Variants in CNPY3 observed in about 807,000 individuals in gnomAD.
CNPY3 encodes protein canopy homolog 3.
A neutral mutation model predicts 32.0 loss-of-function variants in CNPY3; 20 were observed. That is an observed-to-expected ratio of 0.63 (90% CI 0.44 to 0.91). CNPY3 has a LOEUF of 0.91. Ranked by LOEUF, CNPY3 falls within the 40% of genes least tolerant of loss-of-function variation. The probability of loss-of-function intolerance (pLI) is 0.00; values close to 1 mark genes in which losing one functional copy is unlikely to be tolerated. For missense variants in CNPY3, 299 were observed against 340.8 expected (o/e 0.88, Z 0.97); for synonymous variants, 138 against 142.9 (o/e 0.97, Z 0.24).
chr6:42,929,981 G>A (rs1034650170), intron 1 of CNPY3, among the ~76,000 whole-genome samples: 1 of 152,068 alleles, frequency 6.6e-6, no homozygotes, highest in African/African-American at 2.4e-5. Context: ...TTCCTTTTGG[G>A]GGCCGGACGA....
chr6:42,938,595 A>G lies in CNPY3; in HGVS notation c.641A>G (p.Lys214Arg). 1 of 1,600,320 alleles carries G rather than the reference A, an allele frequency of 6.2e-7. No individual in the cohort carries two copies. The highest frequency in any genetic ancestry group is 8.5e-7 in the Non-Finnish European group (1 of 1,173,192). The change falls in exon 6 of 6, where the codon AAG (lysine) becomes AGG (arginine). Residue 214 changes from lysine to arginine, a missense_variant. By Grantham distance (26) the Lys-to-Arg change is conservative. Coordinates refer to ENST00000372836, the MANE Select transcript of CNPY3 (RefSeq NM_006586.5). ...TGCCTGGCAGAGCAGTGGTCCGGCA[A>G]GAAGGGAGACACAGCTGCCCTGGGA... is the stretch of plus-strand genomic sequence containing the variant. ...TSCLAEQWSG[K>R]KGDTAALGGK...
rs374422440 is a variant in CNPY3, at chr6:42,934,564, G to A, written c.241G>A (p.Asp81Asn). The part of the protein sequence containing the change: ...EVIGTGYGIL[D>N]QKASGVKYTK... Reference sequence around the variant, plus strand: ...GATTGGCACGGGCTATGGCATCCTGGACCAGAAGGCCTCTGGAGTCAAATA... The same window carrying A: ...GATTGGCACGGGCTATGGCATCCTGAACCAGAAGGCCTCTGGAGTCAAATA... Residue 81 changes from aspartate to asparagine, a missense_variant, in exon 2 of 6, where the codon GAC (aspartate) becomes AAC (asparagine). Asp to Asn is a conservative substitution (Grantham distance 23, BLOSUM62 1). Around this residue, in one of 2 missense-constraint regions of CNPY3, gnomAD observed 211 missense variants for 278.3 expected, o/e 0.76. Coordinates refer to ENST00000372836, the MANE Select transcript of CNPY3 (RefSeq NM_006586.5). 15 of 1,613,978 alleles carry A rather than the reference G, an allele frequency of 9.3e-6. No homozygotes were observed. Among genetic ancestry groups the A allele is most frequent in the Non-Finnish European group, 1.3e-5 (15 of 1,180,010 alleles).
At chr6:42,935,719 T>C (rs372611413) in intron 3 of CNPY3, 49 bp downstream of exon 3, 2 of 1,565,442 alleles carry the variant, frequency 1.3e-6, no homozygotes, top group Non-Finnish European at 8.8e-7. Context: ...GGCCTGCATG[T>C]ATCTTAGTGT....
At position 42,930,134 on chromosome 6, in the gene CNPY3, C is replaced by A. The variant is rs184086779; in HGVS notation, c.151+413C>A. Among the ~76,000 whole-genome samples the A allele has an allele frequency of 3.9e-5, 6 of 152,162 alleles. No individual in the cohort carries two copies. The East Asian group carries it at 1.2e-3, about 29-fold the overall frequency. Reference sequence around the variant, plus strand: ...AGAGAAGTGGAAAGAGAGGGGCCCACTCAGGAAACTACAGAGGCAGAGGCC... The same window carrying A: ...AGAGAAGTGGAAAGAGAGGGGCCCAATCAGGAAACTACAGAGGCAGAGGCC... On this transcript the variant is annotated intron_variant, in intron 1 of 5. Transcript: ENST00000372836.
intron 1 of CNPY3, among the ~76,000 whole-genome samples, chr6:42,933,933 G>A (rs1256472087): frequency 6.6e-6 from 1 of 152,174 alleles, no homozygotes; most frequent in Non-Finnish European, 1.5e-5. Context: ...CACTTTGTGA[G>A]GCCGAGGTGG....
intron 1 of CNPY3, among the ~76,000 whole-genome samples, chr6:42,931,602 C>T (rs1767824630): frequency 6.6e-6 from 1 of 151,992 alleles, no homozygotes; most frequent in Non-Finnish European, 1.5e-5. Flanking sequence ...CTCGGGTGAT[C>T]CACCCACCTT....
intron 3 of CNPY3, among the ~76,000 whole-genome samples, chr6:42,937,311 T>G (rs887590757): frequency 3.3e-5 from 5 of 151,932 alleles, no homozygotes; most frequent in Non-Finnish European, 5.9e-5. Context: ...GAAGGTCAGG[T>G]CAAGGATGAG....
chr6:42,936,374 G>A (rs961891966), intron 3 of CNPY3, among the ~76,000 whole-genome samples: 3 of 152,120 alleles, frequency 2.0e-5, no homozygotes, highest in African/African-American at 7.2e-5. Flanking sequence ...AAGTGTTTAA[G>A]AATTATTTTT....
At chr6:42,928,677 A>T (rs971649666), upstream of CNPY3, among the ~76,000 whole-genome samples, 5 of 152,212 alleles carry the variant, frequency 3.3e-5, no homozygotes, top group Non-Finnish European at 7.3e-5. Context: ...GACAATCGTT[A>T]ATCGGCTAAA....
Position 42,929,676 on chromosome 6 carries a change from G to A in CNPY3, c.106G>A (p.Gly36Arg), listed in dbSNP as rs758747229. The change falls in exon 1 of 6, where the codon GGA becomes AGA. Residue 36 changes from glycine (G) to arginine (R), a missense_variant. Physicochemically the swap from Gly to Arg is moderately radical, Grantham distance 125 (BLOSUM62 -2). Around this residue, in one of 2 missense-constraint regions of CNPY3, gnomAD observed 88 missense variants for 62.5 expected, o/e 1.41. Transcript: ENST00000372836. ...PAPELGPSQA[G>R]AEENDWVRLP... Reference sequence around the variant, plus strand: ...CCCGGAGCTGGGCCCGAGCCAGGCCGGAGCTGAGGAGAACGACTGGGTTCG... The same window carrying A: ...CCCGGAGCTGGGCCCGAGCCAGGCCAGAGCTGAGGAGAACGACTGGGTTCG... The A allele has an allele frequency of 2.6e-6, 4 of 1,552,036 alleles. No individual in the cohort carries two copies. The highest frequency in any genetic ancestry group is 3.5e-6 in the Non-Finnish European group (4 of 1,147,696).
chr6:42,938,646 G>C lies in CNPY3; in HGVS notation c.692G>C (p.Ser231Thr). The change falls in exon 6 of 6, where the codon AGC becomes ACC. Residue 231 changes from serine to threonine, a missense_variant. Ser to Thr is a moderately conservative substitution (Grantham distance 58). Around this residue, in one of 2 missense-constraint regions of CNPY3, gnomAD observed 211 missense variants for 278.3 expected, o/e 0.76. Coordinates refer to ENST00000372836, the MANE Select transcript of CNPY3 (RefSeq NM_006586.5). Reference sequence around the variant, plus strand: ...GGGAAGAAGTCCAAGAAGAAGAGCAGCAGGGCCAAGGCAGCAGGCGGCAGG... The same window carrying C: ...GGGAAGAAGTCCAAGAAGAAGAGCACCAGGGCCAAGGCAGCAGGCGGCAGG... ...LGGKKSKKKS[S>T]RAKAAGGRSS... 2 of 1,611,418 alleles carry C rather than the reference G, an allele frequency of 1.2e-6. No individual in the cohort carries two copies. The highest frequency in any genetic ancestry group is 4.5e-5 in the East Asian group (2 of 44,854).
intron 3 of CNPY3, among the ~76,000 whole-genome samples, chr6:42,935,878 G>C (rs1768186042): frequency 6.6e-6 from 1 of 152,138 alleles, no homozygotes; most frequent in African/African-American, 2.4e-5. Context: ...CTGTTCATGA[G>C]GGTCCTGCTT....
chr6:42,932,328 C>T (rs1307202093), intron 1 of CNPY3, among the ~76,000 whole-genome samples: 1 of 152,196 alleles, frequency 6.6e-6, no homozygotes, highest in Non-Finnish European at 1.5e-5. Context: ...TAAATGCTGA[C>T]TGTGTCTAGC....
intron 2 of CNPY3, among the ~76,000 whole-genome samples, chr6:42,935,142 A>G (rs985623225): frequency 3.9e-5 from 6 of 152,190 alleles, no homozygotes; most frequent in Non-Finnish European, 5.9e-5. Context: ...TGCTGGGATT[A>G]CAGGTGTGAG....
chr6:42,938,878 C>T lies in CNPY3; in HGVS notation c.*87C>T, dbSNP rs1319940831. ...GCTCTGGCAGGCCGGGATGGCCCCG[C>T]AGCCTTCAGCCCCTCCTTGCCTTGG... On this transcript the variant is annotated 3_prime_UTR_variant, in exon 6 of 6. Transcript: ENST00000372836. 5 of 1,457,242 alleles carry T rather than the reference C, an allele frequency of 3.4e-6. No homozygotes were observed. The highest frequency in any genetic ancestry group is 4.5e-6 in the Non-Finnish European group (5 of 1,100,336). 90.3% of individuals were successfully genotyped at this position (1,457,242 alleles called of 1,614,324 possible).
At chr6:42,936,666 G>C (rs984228534) in intron 3 of CNPY3, among the ~76,000 whole-genome samples, 3 of 152,138 alleles carry the variant, frequency 2.0e-5, no homozygotes, top group Non-Finnish European at 4.4e-5. Flanking sequence ...CTCCTGAGTA[G>C]CTGGGATTAC....
chr6:42,929,249 T>C, upstream of CNPY3: 1 of 271,536 alleles, frequency 3.7e-6, no homozygotes, highest in Non-Finnish European at 7.0e-6. Flanking sequence ...TCCCAGAGCC[T>C]CCGTTAGGGG....
At position 42,939,291 on chromosome 6, in the gene CNPY3, G is replaced by A; in HGVS notation, c.*500G>A. ...TCTGAGTCCTCTGCAGCCCTCAGAGGTGCCCTGGAGCCTCTTGTTCTTTCC... is the reference window on the plus strand; with the variant it reads ...TCTGAGTCCTCTGCAGCCCTCAGAGATGCCCTGGAGCCTCTTGTTCTTTCC... On this transcript the variant is annotated 3_prime_UTR_variant, in exon 6 of 6. Coordinates refer to ENST00000372836, the MANE Select transcript of CNPY3 (RefSeq NM_006586.5). 2 of 985,960 alleles carry A rather than the reference G, an allele frequency of 2.0e-6. No individual in the cohort carries two copies. 61.1% of individuals were successfully genotyped at this position (985,960 alleles called of 1,614,324 possible).
chr6:42,935,476 G>A, intron 2 of CNPY3, 98 bp from the exon 3 acceptor site: 1 of 1,457,664 alleles, frequency 6.9e-7, no homozygotes, highest in Non-Finnish European at 9.2e-7. Context: ...TCCCATTGGT[G>A]AGATGTGCAG....
Sources: allele counts gnomAD v4.1 joint callset (sites outside exome capture counted in the v4.1 genomes callset), GRCh38; gene constraint gnomAD v4.1.1; regional missense constraint gnomAD v4.1.1; transcripts MANE v1.5; gene names NCBI Gene and HGNC (gene_info 2026-07-23, HGNC 2026-07-21).